The following KLF13 variants were observed in gnomAD, a reference collection of about 807,000 sequenced individuals.
KLF13 encodes the protein KLF transcription factor 13, also known as Krueppel-like factor 13.
In KLF13, 8 loss-of-function variants were observed where a neutral mutation model predicts 16.7. The observed-to-expected ratio is 0.48, with a 90% confidence interval of 0.28 to 0.87. KLF13 has a LOEUF of 0.87. Among genes scored for constraint, KLF13 ranks in the 40% least tolerant of loss-of-function variants. The probability of loss-of-function intolerance (pLI) is 0.10; values close to 1 mark genes in which losing one functional copy is unlikely to be tolerated. For missense variants in KLF13, 447 were observed against 452.2 expected (o/e 0.99, Z 0.10); for synonymous variants, 245 against 208.4 (o/e 1.18, Z -1.51).
intron 1 of KLF13, among the ~76,000 whole-genome samples, chr15:31,358,719 C>T (rs2039337688): frequency 6.6e-6 from 1 of 152,198 alleles, no homozygotes; most frequent in Non-Finnish European, 1.5e-5. Context: ...TTGTGGATTC[C>T]AACCTCATAT....
downstream of KLF13, among the ~76,000 whole-genome samples, chr15:31,381,744 T>A (rs900620801): frequency 5.9e-5 from 9 of 152,258 alleles, no homozygotes; most frequent in Non-Finnish European, 1.0e-4. Context: ...CTGTGTTTTG[T>A]CATCCTTCAT....
downstream of KLF13, among the ~76,000 whole-genome samples, chr15:31,405,016 A>G (rs1437376520): frequency 6.6e-6 from 1 of 152,180 alleles, no homozygotes; most frequent in Non-Finnish European, 1.5e-5. Flanking sequence ...AACCAATGAT[A>G]TGCTTATGCT....
chr15:31,431,194 T>C (rs1236406314), intron 1 of KLF13, among the ~76,000 whole-genome samples: 1 of 151,982 alleles, frequency 6.6e-6, no homozygotes, highest in Admixed American at 6.6e-5. Context: ...GTCTACAACC[T>C]GGAAGCGAGC....
chr15:31,429,698 TA>T (rs1182848499), intron 1 of KLF13, among the ~76,000 whole-genome samples: 11 of 340 alleles, frequency 0.032, no homozygotes, highest in South Asian at 0.15. Context: ...AAGATTCTTT[TA>T]TTTATTTATT....
chr15:31,400,496 G>A (rs2040018868), intron 2 of KLF13, among the ~76,000 whole-genome samples: 2 of 152,180 alleles, frequency 1.3e-5, no homozygotes, highest in Admixed American at 6.5e-5. Flanking sequence ...CACAGGCAGG[G>A]AGAACTCAAA....
intron 1 of KLF13, among the ~76,000 whole-genome samples, chr15:31,385,054 A>G (rs915296189): frequency 6.6e-6 from 1 of 152,174 alleles, no homozygotes; most frequent in African/African-American, 2.4e-5. Flanking sequence ...ACAAGAAGAG[A>G]TGTGAGAGGG....
In KLF13 at chr15:31,372,053, G is replaced by A; in HGVS notation, c.621G>A (p.Lys207=). Residue 207 remains lysine (K), a synonymous_variant, in exon 2 of 2, where the codon AAG becomes AAA. Coordinates refer to ENST00000307145, the MANE Select transcript of KLF13 (RefSeq NM_015995.4). The part of the protein sequence containing the change: ...FACSWQDCNK[K]FARSDELARH... ...GCAGCTGGCAGGACTGCAACAAGAAGTTCGCGCGCTCCGACGAGCTGGCGC... is the reference window on the plus strand; with the variant it reads ...GCAGCTGGCAGGACTGCAACAAGAAATTCGCGCGCTCCGACGAGCTGGCGC... 1 of 1,611,482 alleles carries A rather than the reference G, an allele frequency of 6.2e-7. No homozygotes were observed. The highest frequency in any genetic ancestry group is 8.5e-7 in the Non-Finnish European group (1 of 1,179,368).
At position 31,369,985 on chromosome 15, in the gene KLF13, T is replaced by G. The variant is rs926037147; in HGVS notation, c.578-2025T>G. On this transcript the variant is annotated intron_variant, in intron 1 of 1. Coordinates refer to ENST00000307145, the MANE Select transcript of KLF13 (RefSeq NM_015995.4). ...AGCTTCTCGCAGCAGAGGTCTTAAC[T>G]CATTTACCTGGTCCACCTCTGTGCA... 2.0e-5 allele frequency among the ~76,000 whole-genome samples: 3 copies of G among 151,856 alleles called. No individual in the cohort carries two copies. In the South Asian group the frequency reaches 6.2e-4, roughly 31 times the overall value.
chr15:31,353,217 T>A (rs2039243291), intron 1 of KLF13, among the ~76,000 whole-genome samples: 1 of 152,240 alleles, frequency 6.6e-6, no homozygotes, highest in African/African-American at 2.4e-5. Context: ...AAGCAGGGGC[T>A]TGTGGCCCTG....
chr15:31,364,436 C>T (rs1044588661), intron 1 of KLF13, among the ~76,000 whole-genome samples: 5 of 152,214 alleles, frequency 3.3e-5, no homozygotes, highest in Non-Finnish European at 7.3e-5. Flanking sequence ...GACCAGAGCG[C>T]CTGGGACAGG....
At chr15:31,433,699 C>G (rs1042290261) in intron 1 of KLF13, among the ~76,000 whole-genome samples, 9 of 151,768 alleles carry the variant, frequency 5.9e-5, no homozygotes, top group Non-Finnish European at 1.2e-4. Context: ...AAAGATACCT[C>G]TGCCCTGAGA....
At chr15:31,329,909 C>T (rs1038899190) in intron 1 of KLF13, among the ~76,000 whole-genome samples, 2 of 152,114 alleles carry the variant, frequency 1.3e-5, no homozygotes, top group African/African-American at 4.8e-5. Context: ...CCCCTGATGC[C>T]GACCTAGTAC....
chr15:31,385,344 G>A (rs541752341), intron 1 of KLF13, among the ~76,000 whole-genome samples: 2 of 152,154 alleles, frequency 1.3e-5, no homozygotes, highest in Non-Finnish European at 2.9e-5. Context: ...GGGGCCCAAG[G>A]GGGTTGCAAC....
At chr15:31,354,582 G>A (rs375450020) in intron 1 of KLF13, among the ~76,000 whole-genome samples, 3 of 152,066 alleles carry the variant, frequency 2.0e-5, no homozygotes, top group Non-Finnish European at 4.4e-5. Flanking sequence ...GGGTTTCACC[G>A]AAATGTTGGC....
chr15:31,407,069 T>C (rs1355143644), downstream of KLF13, among the ~76,000 whole-genome samples: 2 of 152,188 alleles, frequency 1.3e-5, no homozygotes, highest in African/African-American at 2.4e-5. Context: ...TGGTGCACCA[T>C]TATTTTGTCT....
chr15:31,378,077 T>TGC (rs1291868496), downstream of KLF13, among the ~76,000 whole-genome samples: 4 of 152,102 alleles, frequency 2.6e-5, no homozygotes, highest in Non-Finnish European at 5.9e-5. Flanking sequence ...ACACAGTGGG[T>TGC]GCTCTTCTGG....
intron 1 of KLF13, among the ~76,000 whole-genome samples, chr15:31,363,026 G>A (rs1041371283): frequency 6.6e-6 from 1 of 152,206 alleles, no homozygotes; most frequent in East Asian, 1.9e-4. Context: ...GTGCAAATGC[G>A]TTTGTAGGCT....
intron 1 of KLF13, among the ~76,000 whole-genome samples, chr15:31,360,521 C>G (rs2140955905): frequency 6.6e-6 from 1 of 152,276 alleles, no homozygotes; most frequent in South Asian, 2.1e-4. Context: ...AGGGCTTTCC[C>G]AAAGGGTAGG....
intron 1 of KLF13, among the ~76,000 whole-genome samples, chr15:31,419,912 G>A (rs2040300994): frequency 6.6e-6 from 1 of 152,096 alleles, no homozygotes; most frequent in Non-Finnish European, 1.5e-5. Context: ...AGAAGTCAAG[G>A]ATAAAGAGAG....
Sources: allele counts gnomAD v4.1 joint callset (sites outside exome capture counted in the v4.1 genomes callset), GRCh38; gene constraint gnomAD v4.1.1; transcripts MANE v1.5; gene names NCBI Gene and HGNC (gene_info 2026-07-23, HGNC 2026-07-21).